The following GPC5 variants were observed in gnomAD, a reference collection of about 807,000 sequenced individuals.
GPC5 encodes glypican 5.
GPC5 carries 47 observed loss-of-function variants against 53.9 expected under a neutral mutation model. The observed-to-expected ratio is 0.87, with a 90% confidence interval of 0.69 to 1.11. The LOEUF is 1.11. Among genes scored for constraint, GPC5 ranks in the 50% most tolerant of loss-of-function variants. The pLI is 0.00. For missense variants in GPC5, 748 were observed against 713.1 expected, an observed-to-expected ratio of 1.05 and a Z score of -0.56; for synonymous variants, 286 against 263.3, an observed-to-expected ratio of 1.09 and a Z score of -0.84.
At chr13:92,551,465 CCAAAGT>C (rs1282428657) in intron 7 of GPC5, among the ~76,000 whole-genome samples, 1 of 151,742 alleles carries the variant, frequency 6.6e-6, no homozygotes, top group Non-Finnish European at 1.5e-5. Context: ...AGAAATTTCT[CCAAAGT>C]CATTTACTTT....
At chr13:91,788,577 T>C (rs1022503098) in intron 5 of GPC5, among the ~76,000 whole-genome samples, 12 of 152,236 alleles carry the variant, frequency 7.9e-5, no homozygotes, top group Non-Finnish European at 1.0e-4. Context: ...AGAATTATCC[T>C]AACTTTATTT....
At chr13:91,972,125 A>T (rs1481828642) in intron 6 of GPC5, among the ~76,000 whole-genome samples, 1 of 152,056 alleles carries the variant, frequency 6.6e-6, no homozygotes, top group Non-Finnish European at 1.5e-5. Context: ...GTCACTAAGG[A>T]CTTGCTTTAT....
At chr13:91,940,838 G>A (rs115337269) in intron 6 of GPC5, among the ~76,000 whole-genome samples, 5,022 of 151,772 alleles carry the variant, frequency 0.033, 278 homozygotes, top group African/African-American at 0.11. Context: ...TTTTTAATGG[G>A]GTTATTTGTT....
chr13:92,260,714 C>T (rs551239099), intron 7 of GPC5, among the ~76,000 whole-genome samples: 4 of 152,126 alleles, frequency 2.6e-5, no homozygotes, highest in Admixed American at 2.6e-4. Flanking sequence ...AGTCCCTTTC[C>T]TCCTGTCTCT....
chr13:92,002,985 T>A (rs2040569414), intron 6 of GPC5, among the ~76,000 whole-genome samples: 2 of 152,032 alleles, frequency 1.3e-5, no homozygotes, highest in South Asian at 4.1e-4. Flanking sequence ...AACCCTGAGG[T>A]ACTTAACAAA....
At chr13:92,740,986 T>C (rs1030995087) in intron 7 of GPC5, among the ~76,000 whole-genome samples, 1 of 115,172 alleles carries the variant, frequency 8.7e-6, no homozygotes, top group Admixed American at 8.4e-5. Flanking sequence ...CTGTAGCATA[T>C]GATCTTCAAA....
At chr13:91,405,072 A>G (rs1877218441) in intron 1 of GPC5, among the ~76,000 whole-genome samples, 4 of 152,256 alleles carry the variant, frequency 2.6e-5, no homozygotes, top group Admixed American at 2.6e-4. Context: ...CTTTGTCGTT[A>G]GAACTGTAGG....
chr13:92,012,609 T>C (rs1049918517), intron 6 of GPC5, among the ~76,000 whole-genome samples: 1 of 152,246 alleles, frequency 6.6e-6, no homozygotes, highest in African/African-American at 2.4e-5. Flanking sequence ...TATTCATTTC[T>C]TTATTTTTTG....
intron 7 of GPC5, among the ~76,000 whole-genome samples, chr13:92,560,857 A>ATG (rs34114433): frequency 0.25 from 35,086 of 139,036 alleles, 4,466 homozygotes; most frequent in Non-Finnish European, 0.31. Context: ...AGAAAATTAT[A>ATG]TGTGTGTGTG....
intron 7 of GPC5, among the ~76,000 whole-genome samples, chr13:92,493,596 T>C (rs150116939): frequency 4.6e-5 from 7 of 152,322 alleles, no homozygotes; most frequent in Non-Finnish European, 1.0e-4. Context: ...TAATCCTCAG[T>C]CTCAAGGTCT....
chr13:92,299,727 A>G (rs1295324323), intron 7 of GPC5, among the ~76,000 whole-genome samples: 2 of 152,192 alleles, frequency 1.3e-5, no homozygotes, highest in Non-Finnish European at 2.9e-5. Context: ...ATGTGTTGTC[A>G]TCCTATGTAT....
chr13:91,473,036 G>C (rs986576157), intron 2 of GPC5, among the ~76,000 whole-genome samples: 1 of 152,160 alleles, frequency 6.6e-6, no homozygotes, highest in African/African-American at 2.4e-5. Flanking sequence ...GAGGCCTCAG[G>C]AAACTTACGA....
At chr13:91,505,344 A>G (rs2139311334) in intron 2 of GPC5, among the ~76,000 whole-genome samples, 1 of 152,332 alleles carries the variant, frequency 6.6e-6, no homozygotes, top group Middle Eastern at 3.4e-3. Flanking sequence ...TACATAGAAT[A>G]ATAATTGGAT....
intron 7 of GPC5, among the ~76,000 whole-genome samples, chr13:92,741,068 G>A (rs543161874): frequency 6.4e-4 from 96 of 150,540 alleles, no homozygotes; most frequent in Non-Finnish European, 1.2e-3. Context: ...TCAGTAAAAT[G>A]TTGGTGCATG....
chr13:92,577,103 C>A (rs1486873420), intron 7 of GPC5, among the ~76,000 whole-genome samples: 1 of 152,102 alleles, frequency 6.6e-6, no homozygotes, highest in Non-Finnish European at 1.5e-5. Flanking sequence ...AGTTCACCTA[C>A]CTTTAGTCAT....
intron 7 of GPC5, among the ~76,000 whole-genome samples, chr13:92,242,491 T>C (rs2042620552): frequency 6.6e-6 from 1 of 152,094 alleles, no homozygotes; most frequent in African/African-American, 2.4e-5. Flanking sequence ...TAGAAAAATC[T>C]TCTTCATTTT....
chr13:91,629,095 G>A (rs1262415207), intron 2 of GPC5, among the ~76,000 whole-genome samples: 1 of 152,120 alleles, frequency 6.6e-6, no homozygotes, highest in East Asian at 1.9e-4. Context: ...GAGGCATCAT[G>A]ATTGTGATTA....
chr13:92,158,310 C>T (rs1044971761), intron 7 of GPC5, among the ~76,000 whole-genome samples: 6 of 152,068 alleles, frequency 3.9e-5, no homozygotes, highest in African/African-American at 1.2e-4. Context: ...CCTATAGAGC[C>T]GTTTAGACTT....
At chr13:91,964,278 G>T (rs945870825) in intron 6 of GPC5, among the ~76,000 whole-genome samples, 1 of 152,142 alleles carries the variant, frequency 6.6e-6, no homozygotes, top group Non-Finnish European at 1.5e-5. Flanking sequence ...GCCTCCAAAG[G>T]GTGGAAAGAG....
Sources: allele counts gnomAD v4.1 joint callset (sites outside exome capture counted in the v4.1 genomes callset), GRCh38; gene constraint gnomAD v4.1.1; transcripts MANE v1.5; gene names NCBI Gene and HGNC (gene_info 2026-07-23, HGNC 2026-07-21).